Variants in MUC7 observed in about 807,000 individuals in gnomAD.
MUC7 encodes mucin 7, secreted.
In MUC7, 2 loss-of-function variants were observed where a neutral mutation model predicts 2.5. The ratio of observed to expected loss-of-function variants is 0.81; its 90% CI spans 0.33 to 2.55. The LOEUF (loss-of-function observed/expected upper bound fraction) is 2.55, where lower values mean the gene tolerates loss of function less well. Ranked by LOEUF, MUC7 falls within the 30% of genes most tolerant of loss-of-function variation. The probability of loss-of-function intolerance (pLI) is 0.11; values close to 1 mark genes in which losing one functional copy is unlikely to be tolerated. For missense variants in MUC7, 408 were observed against 455.6 expected, an observed-to-expected ratio of 0.90 and a Z score of 0.95; for synonymous variants, 133 against 173.4, an observed-to-expected ratio of 0.77 and a Z score of 1.83.
rs547005281 is a variant in MUC7, at chr4:70,473,943, C to T, written c.-15-64C>T. The stretch of plus-strand genomic sequence containing the variant: ...CTTTCTAATAAAAATAAGTTATTTA[C>T]CAAAACGCATTCCTCTCCCATAATA... On this transcript the variant is annotated intron_variant, in intron 1 of 2. Coordinates refer to ENST00000304887, the MANE Select transcript of MUC7 (RefSeq NM_152291.3). 11 of 1,181,588 alleles carry T rather than the reference C, an allele frequency of 9.3e-6. No individual in the cohort carries two copies. In the Admixed American group the frequency reaches 1.5e-4, roughly 16 times the overall value. 73.2% of individuals were successfully genotyped at this position (1,181,588 alleles called of 1,614,324 possible).
At chr4:70,455,051 T>C (rs1360680602) in intron 1 of MUC7, among the ~76,000 whole-genome samples, 1 of 152,160 alleles carries the variant, frequency 6.6e-6, no homozygotes, top group Non-Finnish European at 1.5e-5. Flanking sequence ...TTTTTAGCAT[T>C]CCAAGGCTTT....
At chr4:70,434,990 G>T (rs1217251024) in intron 1 of MUC7, among the ~76,000 whole-genome samples, 1 of 152,152 alleles carries the variant, frequency 6.6e-6, no homozygotes, top group Non-Finnish European at 1.5e-5. Context: ...GGAGCAGATT[G>T]TTCAGTTTCC....
intron 1 of MUC7, among the ~76,000 whole-genome samples, chr4:70,458,543 C>T (rs569241152): frequency 6.6e-6 from 1 of 151,650 alleles, no homozygotes; most frequent in African/African-American, 2.4e-5. Context: ...AATTTCTACT[C>T]ATAACAAAAT....
intron 1 of MUC7, among the ~76,000 whole-genome samples, chr4:70,466,334 G>A (rs558134929): frequency 2.3e-4 from 35 of 152,250 alleles, no homozygotes; most frequent in African/African-American, 8.4e-4. Context: ...ATTGAGGCTA[G>A]GAAGAAACTG....
At chr4:70,472,853 A>G (rs1734872363) in intron 1 of MUC7, among the ~76,000 whole-genome samples, 1 of 152,204 alleles carries the variant, frequency 6.6e-6, no homozygotes, top group South Asian at 2.1e-4. Context: ...CCACATTGAC[A>G]TGCACACTAA....
chr4:70,448,821 G>A (rs1734207607), intron 1 of MUC7, among the ~76,000 whole-genome samples: 1 of 152,268 alleles, frequency 6.6e-6, no homozygotes, highest in East Asian at 1.9e-4. Context: ...CTGTGCTTGT[G>A]AGGTATTACT....
chr4:70,459,678 GA>G (rs1438099467), intron 1 of MUC7, among the ~76,000 whole-genome samples: 2 of 152,086 alleles, frequency 1.3e-5, no homozygotes, highest in Non-Finnish European at 2.9e-5. Context: ...TGGAAAGACT[GA>G]AAACCCCAAA....
upstream of MUC7, among the ~76,000 whole-genome samples, chr4:70,470,069 A>G (rs1734792722): frequency 6.6e-6 from 1 of 152,176 alleles, no homozygotes; most frequent in East Asian, 1.9e-4. Context: ...ATGGAATACT[A>G]TGCAGCCATA....
intron 1 of MUC7, among the ~76,000 whole-genome samples, chr4:70,436,258 G>T (rs1202814907): frequency 1.3e-5 from 2 of 152,162 alleles, no homozygotes; most frequent in African/African-American, 4.8e-5. Context: ...TGCCTGCTAG[G>T]TTGGGGAAGT....
intron 1 of MUC7, among the ~76,000 whole-genome samples, chr4:70,455,617 A>T (rs916266857): frequency 2.6e-5 from 4 of 152,188 alleles, no homozygotes; most frequent in Admixed American, 2.6e-4. Flanking sequence ...ACAAGATTAA[A>T]TTGGGAGAAA....
chr4:70,459,304 A>T (rs914684515), intron 1 of MUC7, among the ~76,000 whole-genome samples: 1 of 152,200 alleles, frequency 6.6e-6, no homozygotes, highest in Non-Finnish European at 1.5e-5. Flanking sequence ...ATTGGAAAAC[A>T]TCATTCTCAG....
intron 2 of MUC7, among the ~76,000 whole-genome samples, chr4:70,475,049 C>CA (rs1268565499): frequency 2.0e-5 from 3 of 152,132 alleles, no homozygotes; most frequent in Non-Finnish European, 4.4e-5. Context: ...GAGGCCAAGG[C>CA]AGGTGGATCA....
chr4:70,463,076 T>A (rs976778886), intron 1 of MUC7, among the ~76,000 whole-genome samples: 1 of 152,342 alleles, frequency 6.6e-6, no homozygotes, highest in Admixed American at 6.5e-5. Context: ...GTCAAATTCT[T>A]CTACTCTTAA....
intron 1 of MUC7, among the ~76,000 whole-genome samples, chr4:70,445,678 C>T (rs1456136241): frequency 2.0e-5 from 3 of 152,134 alleles, no homozygotes; most frequent in African/African-American, 7.2e-5. Flanking sequence ...CCAGTCTGAG[C>T]TTTGTCTAAG....
upstream of MUC7, among the ~76,000 whole-genome samples, chr4:70,468,293 C>T (rs1734733170): frequency 6.6e-6 from 1 of 152,118 alleles, no homozygotes. Flanking sequence ...AACCCACAGC[C>T]AATATCATAC....
At position 70,462,223 on chromosome 4, in the gene MUC7, AAGAGAG is replaced by A. The variant is rs10567989; in HGVS notation, c.-92-9974_-92-9969del. On this transcript the variant is annotated intron_variant, in intron 1 of 3. Transcript: ENST00000413702. ...TAAAATCCTGTCTTAAAAAAAAAGA[AAGAGAG>A]AGAGAGAGAGAGAGAGAAAGATTAA... is the stretch of plus-strand genomic sequence containing the variant. Among the ~76,000 whole-genome samples, 693 of 149,734 alleles carry A rather than the reference AAGAGAG, an allele frequency of 4.6e-3. 2 individuals are homozygous for A. Among genetic ancestry groups the A allele is most frequent in the Non-Finnish European group, 7.5e-3 (505 of 67,374 alleles).
At chr4:70,477,439 C>G (rs1313934860) in intron 2 of MUC7, among the ~76,000 whole-genome samples, 1 of 151,968 alleles carries the variant, frequency 6.6e-6, no homozygotes, top group African/African-American at 2.4e-5. Flanking sequence ...GTAATCTTGG[C>G]CTTTCTGTCT....
At chr4:70,436,213 G>A (rs892092823) in intron 1 of MUC7, among the ~76,000 whole-genome samples, 1 of 152,068 alleles carries the variant, frequency 6.6e-6, no homozygotes, top group African/African-American at 2.4e-5. Context: ...TATCTTTCTG[G>A]TGTTCTCTGT....
At chr4:70,477,245 T>C (rs1735031020) in intron 2 of MUC7, among the ~76,000 whole-genome samples, 1 of 152,022 alleles carries the variant, frequency 6.6e-6, no homozygotes, top group South Asian at 2.1e-4. Context: ...CCCCCATCTC[T>C]ACTAAGAATA....
Sources: gnomAD v4.1 joint callset for allele counts (sites outside exome capture counted in the v4.1 genomes callset) on GRCh38, gnomAD v4.1.1 for gene constraint, MANE v1.5 for transcripts, NCBI Gene and HGNC (gene_info 2026-07-23, HGNC 2026-07-21) for gene names.